The following PIH1D2 variants were observed in gnomAD, a reference collection of about 807,000 sequenced individuals.
The protein encoded by PIH1D2 is PIH1 domain containing 2.
A neutral mutation model predicts 31.2 loss-of-function variants in PIH1D2; 25 were observed. The observed-to-expected ratio is 0.80, with a 90% CI of 0.58 to 1.12. The LOEUF is 1.12. Ranked by LOEUF, PIH1D2 falls within the 50% of genes most tolerant of loss-of-function variation. The pLI, the probability that PIH1D2 is intolerant of heterozygous loss-of-function variation, is 0.00. For missense variants in PIH1D2, 310 were observed against 356.6 expected (o/e 0.87, Z 1.05); for synonymous variants, 116 against 119.9 (o/e 0.97, Z 0.21).
chr11:112,053,181 G>A, the PIH1D2 span, among the ~76,000 whole-genome samples: 1 of 152,058 alleles, frequency 6.6e-6, no homozygotes, highest in South Asian at 2.1e-4. Flanking sequence ...AATTAGCTGA[G>A]CGTGGTGGTG....
chr11:112,073,808 G>C (rs78133733), intron 1 of PIH1D2, 172 bp downstream of exon 1: 1 of 152,336 alleles, frequency 6.6e-6, no homozygotes, highest in Non-Finnish European at 1.5e-5. Context: ...CCATTGGAGA[G>C]GTGTCCCACA....
downstream of PIH1D2, among the ~76,000 whole-genome samples, chr11:112,066,050 A>G (rs78139431): frequency 0.042 from 6,359 of 152,224 alleles, 350 homozygotes; most frequent in African/African-American, 0.12. Context: ...TATTTCTGTT[A>G]TACAACATTA....
downstream of PIH1D2, among the ~76,000 whole-genome samples, chr11:112,059,371 T>TC (rs1864384364): frequency 6.6e-6 from 1 of 150,986 alleles, no homozygotes; most frequent in Admixed American, 6.6e-5. Context: ...TTTTTTTTTT[T>TC]CTTGGCAGGC....
chr11:112,060,151 T>A (rs1864474873), downstream of PIH1D2: 2 of 1,079,658 alleles, frequency 1.9e-6, no homozygotes, highest in Non-Finnish European at 2.7e-6. Context: ...TTTGATTCTG[T>A]CACGTAATTT....
At chr11:112,066,637 C>A (rs1286718036), downstream of PIH1D2, among the ~76,000 whole-genome samples, 46 of 144,470 alleles carry the variant, frequency 3.2e-4, no homozygotes, top group South Asian at 8.9e-4. Context: ...GATTCCGTCT[C>A]AAAAAAAAAA....
the PIH1D2 span, among the ~76,000 whole-genome samples, chr11:112,055,967 A>C: frequency 7.1e-6 from 1 of 140,698 alleles, no homozygotes; most frequent in African/African-American, 2.7e-5. Context: ...TCCCGGGTTC[A>C]AGCGATTCTC....
intron 3 of PIH1D2, 134 bp downstream of exon 3, chr11:112,071,501 T>C: frequency 7.7e-7 from 1 of 1,302,406 alleles, no homozygotes; most frequent in Non-Finnish European, 1.0e-6. Flanking sequence ...AGTATTAAAT[T>C]TGCATAAAGA....
chr11:112,059,540 G>A (rs782621147), downstream of PIH1D2, among the ~76,000 whole-genome samples: 5 of 151,906 alleles, frequency 3.3e-5, no homozygotes, highest in Non-Finnish European at 7.4e-5. Flanking sequence ...CTACAGCTGT[G>A]CACCACCATG....
the PIH1D2 span, among the ~76,000 whole-genome samples, chr11:112,056,760 A>G: frequency 6.6e-6 from 1 of 152,238 alleles, no homozygotes; most frequent in Non-Finnish European, 1.5e-5. Flanking sequence ...ATTATTTTTC[A>G]AAGTGGTTGC....
At chr11:112,059,102 C>T (rs1393505186), downstream of PIH1D2, among the ~76,000 whole-genome samples, 3 of 151,802 alleles carry the variant, frequency 2.0e-5, no homozygotes, top group East Asian at 3.9e-4. Flanking sequence ...TTCTGAGGTA[C>T]CACCACCCAT....
downstream of PIH1D2, chr11:112,061,149 C>G: frequency 6.2e-7 from 1 of 1,614,104 alleles, no homozygotes. Flanking sequence ...AGAGGATAAA[C>G]TGGTCCCTGC....
chr11:112,060,179 T>TG, downstream of PIH1D2: 2 of 989,954 alleles, frequency 2.0e-6, no homozygotes, highest in African/African-American at 1.7e-5. Flanking sequence ...TTTTTTTTTT[T>TG]TTGAGACGGA....
chr11:112,056,362 C>A, the PIH1D2 span, among the ~76,000 whole-genome samples: 1 of 152,148 alleles, frequency 6.6e-6, no homozygotes, highest in African/African-American at 2.4e-5. Flanking sequence ...TCACCTTCAG[C>A]CCCTGGGCAA....
At chr11:112,059,905 A>G (rs1864450035), downstream of PIH1D2, 2 of 1,603,054 alleles carry the variant, frequency 1.2e-6, no homozygotes, top group South Asian at 1.1e-5. Context: ...TTAAACAGAA[A>G]TCATGTTGTT....
chr11:112,058,613 G>A (rs1399754541), downstream of PIH1D2, among the ~76,000 whole-genome samples: 3 of 108,236 alleles, frequency 2.8e-5, no homozygotes, highest in African/African-American at 1.1e-4. Context: ...TTGGGGTGGG[G>A]GAAGGGGGGG....
downstream of PIH1D2, chr11:112,060,913 A>G: frequency 4.5e-6 from 3 of 672,210 alleles, no homozygotes; most frequent in Non-Finnish European, 7.5e-6. Context: ...AGTAATGTGT[A>G]TTCCATTCAG....
chr11:112,057,012 T>C, the PIH1D2 span, among the ~76,000 whole-genome samples: 2 of 152,254 alleles, frequency 1.3e-5, no homozygotes, highest in Admixed American at 6.5e-5. Context: ...GTGTCACATT[T>C]TGGCAATTCC....
At chr11:112,065,293 A>G (rs1394786593), downstream of PIH1D2, among the ~76,000 whole-genome samples, 1 of 152,198 alleles carries the variant, frequency 6.6e-6, no homozygotes, top group Non-Finnish European at 1.5e-5. Context: ...AATGAGTGAG[A>G]ATATTTTGGA....
intron 5 of PIH1D2, among the ~76,000 whole-genome samples, chr11:112,069,386 G>A (rs1435982134): frequency 6.6e-6 from 1 of 152,086 alleles, no homozygotes; most frequent in Non-Finnish European, 1.5e-5. Context: ...AAAGAGACAG[G>A]TAAGTCTTGA....
Sources: gnomAD v4.1 joint callset for allele counts (sites outside exome capture counted in the v4.1 genomes callset) on GRCh38, gnomAD v4.1.1 for gene constraint, MANE v1.5 for transcripts, NCBI Gene and HGNC (gene_info 2026-07-23, HGNC 2026-07-21) for gene names.